RSU1: variants seen among roughly 807,000 people sequenced by gnomAD.
The protein encoded by RSU1 is Ras suppressor protein 1, also known as rsu-1.
A neutral mutation model predicts 31.1 loss-of-function variants in RSU1; 26 were observed. The observed-to-expected ratio is 0.84, with a 90% CI of 0.61 to 1.16. The LOEUF (loss-of-function observed/expected upper bound fraction) is 1.16, where lower values mean the gene tolerates loss of function less well. RSU1 is among the 50% of genes most tolerant of loss of function. RSU1 has a pLI of 0.00. For missense variants in RSU1, 320 were observed against 339.1 expected, an observed-to-expected ratio of 0.94 and a Z score of 0.44; for synonymous variants, 164 against 136.3, an observed-to-expected ratio of 1.20 and a Z score of -1.41.
Position 16,593,363 on chromosome 10 carries a change from G to A in RSU1, c.*31C>T, listed in dbSNP as rs769728013. 6 of 1,613,816 alleles carry A rather than the reference G, an allele frequency of 3.7e-6. No homozygotes were observed. The Admixed American group carries it at 1.0e-4, about 27-fold the overall frequency. ...GAATGAAGTGTTGGAGAGAGAAGGT[G>A]CTGGAAGGCCAGCCGATGCCAATCC... On this transcript the variant is annotated 3_prime_UTR_variant, in exon 9 of 9. Coordinates refer to ENST00000345264, the MANE Select transcript of RSU1 (RefSeq NM_012425.4).
chr10:16,694,330 T>C (rs1380812424), intron 8 of RSU1, among the ~76,000 whole-genome samples: 5 of 152,222 alleles, frequency 3.3e-5, no homozygotes, highest in Admixed American at 3.3e-4. Context: ...GACGCATTGC[T>C]AGTACTCTCT....
chr10:16,754,546 CTTT>C (rs11311165), intron 5 of RSU1, among the ~76,000 whole-genome samples: 9 of 134,476 alleles, frequency 6.7e-5, no homozygotes, highest in Admixed American at 2.3e-4. Flanking sequence ...TAGGAAGATA[CTTT>C]TTTTTTTTTT....
intron 2 of RSU1, among the ~76,000 whole-genome samples, chr10:16,796,915 T>G (rs1385243835): frequency 6.6e-6 from 1 of 152,192 alleles, no homozygotes; most frequent in East Asian, 1.9e-4. Flanking sequence ...AAGATTGGCA[T>G]GATATCAGCA....
intron 8 of RSU1, among the ~76,000 whole-genome samples, chr10:16,682,343 T>G (rs1835341632): frequency 1.3e-5 from 2 of 152,174 alleles, no homozygotes; most frequent in African/African-American, 4.8e-5. Context: ...GGGAACAGAC[T>G]GATAATGTTG....
intron 4 of RSU1, among the ~76,000 whole-genome samples, chr10:16,763,540 T>C (rs1436596179): frequency 6.6e-6 from 1 of 152,018 alleles, no homozygotes; most frequent in Non-Finnish European, 1.5e-5. Context: ...GCCCCCAGGA[T>C]CCAATCACCT....
chr10:16,594,211 C>T (rs892254855), intron 8 of RSU1, among the ~76,000 whole-genome samples: 2 of 152,122 alleles, frequency 1.3e-5, no homozygotes, highest in Admixed American at 1.3e-4. Flanking sequence ...ACTGTGTCTC[C>T]AAGAGAGCCT....
At chr10:16,671,662 T>C (rs907128264) in intron 8 of RSU1, among the ~76,000 whole-genome samples, 4 of 151,982 alleles carry the variant, frequency 2.6e-5, no homozygotes, top group Admixed American at 2.0e-4. Context: ...AGTCTCACTC[T>C]GTTGCGAGGC....
intron 8 of RSU1, among the ~76,000 whole-genome samples, chr10:16,594,082 G>T (rs1833562135): frequency 6.6e-6 from 1 of 151,704 alleles, no homozygotes; most frequent in South Asian, 2.1e-4. Flanking sequence ...GTGGCTGAGA[G>T]GATTTAACTG....
intron 8 of RSU1, among the ~76,000 whole-genome samples, chr10:16,679,984 C>T (rs1248566426): frequency 6.7e-6 from 1 of 150,268 alleles, no homozygotes; most frequent in South Asian, 2.1e-4. Context: ...CAGGTTCAAG[C>T]GATTCTCCAG....
intron 8 of RSU1, among the ~76,000 whole-genome samples, chr10:16,598,526 C>T (rs1833659714): frequency 6.6e-6 from 1 of 152,164 alleles, no homozygotes; most frequent in South Asian, 2.1e-4. Flanking sequence ...TGCATTCCAG[C>T]CTGGCCATAG....
At chr10:16,781,527 G>C (rs1564355314) in intron 3 of RSU1, among the ~76,000 whole-genome samples, 1 of 152,130 alleles carries the variant, frequency 6.6e-6, no homozygotes, top group Non-Finnish European at 1.5e-5. Context: ...CAAAGAACTT[G>C]TTCTAACAAT....
chr10:16,809,670 T>A (rs1588551291), intron 2 of RSU1, among the ~76,000 whole-genome samples: 2 of 152,312 alleles, frequency 1.3e-5, no homozygotes, highest in East Asian at 3.9e-4. Context: ...AAAAAAGTCA[T>A]CTCTAGTCTT....
chr10:16,747,300 T>C (rs1248210612), intron 7 of RSU1, among the ~76,000 whole-genome samples: 2 of 152,172 alleles, frequency 1.3e-5, no homozygotes, highest in Admixed American at 6.5e-5. Context: ...CCCCAAACTA[T>C]ATATGCAGCC....
rs1225509546 is a variant in RSU1 at position 16,788,970 on chromosome 10, G to A, written c.110-6886C>T. 2.0e-5 allele frequency among the ~76,000 whole-genome samples: 3 copies of A among 152,176 alleles called. No individual in the cohort carries two copies. In the East Asian group the frequency reaches 5.8e-4, roughly 29 times the overall value. On this transcript the variant is annotated intron_variant, in intron 2 of 8. Coordinates refer to ENST00000345264, the MANE Select transcript of RSU1 (RefSeq NM_012425.4). ...GCAGACCATCCATCTGAGAGTCACTGAAGTCAAAAGAAAACTGAAGGTACT... is the reference window on the plus strand; with the variant it reads ...GCAGACCATCCATCTGAGAGTCACTAAAGTCAAAAGAAAACTGAAGGTACT...
chr10:16,717,723 A>C (rs1010247183), intron 7 of RSU1, among the ~76,000 whole-genome samples: 1 of 152,186 alleles, frequency 6.6e-6, no homozygotes, highest in African/African-American at 2.4e-5. Flanking sequence ...GTACTTCAAA[A>C]ATTTAACAGT....
chr10:16,673,784 C>T lies in RSU1; in HGVS notation c.731+21239G>A, dbSNP rs927240836. On this transcript the variant is annotated intron_variant, in intron 8 of 8. Coordinates refer to ENST00000345264, the MANE Select transcript of RSU1 (RefSeq NM_012425.4). ...CGTGATGACTGAGGGACTCTTTATG[C>T]TCGCTTCTGCCTAGGTCCTTAGGTT... Among the ~76,000 whole-genome samples, 5 of 152,188 alleles carry T rather than the reference C, an allele frequency of 3.3e-5. No individual in the cohort carries two copies. The South Asian group carries it at 6.2e-4, about 19-fold the overall frequency.
intron 7 of RSU1, among the ~76,000 whole-genome samples, chr10:16,698,630 T>C (rs545070212): frequency 5.3e-5 from 8 of 152,312 alleles, no homozygotes; most frequent in Non-Finnish European, 8.8e-5. Flanking sequence ...TCCCAAGTGA[T>C]GTCTCTATTT....
chr10:16,647,728 G>T (rs1834598242), intron 8 of RSU1, among the ~76,000 whole-genome samples: 1 of 152,082 alleles, frequency 6.6e-6, no homozygotes. Flanking sequence ...ATTATAAAAT[G>T]TTCTATAATT....
chr10:16,778,862 C>T (rs1045808879), intron 3 of RSU1, among the ~76,000 whole-genome samples: 4 of 152,184 alleles, frequency 2.6e-5, no homozygotes, highest in Admixed American at 1.3e-4. Flanking sequence ...GCAGTGAGTG[C>T]ATGAGAGTAA....
Sources: gnomAD v4.1 joint callset for allele counts (sites outside exome capture counted in the v4.1 genomes callset) on GRCh38, gnomAD v4.1.1 for gene constraint, MANE v1.5 for transcripts, NCBI Gene and HGNC (gene_info 2026-07-23, HGNC 2026-07-21) for gene names.